Variants in FRG1 observed in about 807,000 individuals in gnomAD.
FRG1 encodes protein FRG1.
A neutral mutation model predicts 37.0 loss-of-function variants in FRG1; 19 were observed. That is an observed-to-expected ratio of 0.51 (90% confidence interval 0.36 to 0.75). The LOEUF is 0.75. Ranked by LOEUF, FRG1 falls within the 30% of genes least tolerant of loss-of-function variation. The probability of loss-of-function intolerance (pLI) is 0.00; values close to 1 mark genes in which losing one functional copy is unlikely to be tolerated. For synonymous variants in FRG1, 73 were observed against 96.5 expected (o/e 0.76, Z 1.43); for missense variants, 243 against 301.4 (o/e 0.81, Z 1.44).
At chr4:189,943,796 A>G (rs1465085517) in intron 2 of FRG1, among the ~76,000 whole-genome samples, 1 of 152,072 alleles carries the variant, frequency 6.6e-6, no homozygotes, top group Non-Finnish European at 1.5e-5. Flanking sequence ...TTTTCCATAC[A>G]TATTTTTTTC....
chr4:189,958,374 T>G (rs1249084561), intron 6 of FRG1, among the ~76,000 whole-genome samples: 2 of 152,334 alleles, frequency 1.3e-5, no homozygotes, highest in East Asian at 1.9e-4. Flanking sequence ...TGCTTGAGCT[T>G]CTGTGATGAT....
chr4:189,955,632 A>T (rs1211169926), intron 5 of FRG1, among the ~76,000 whole-genome samples: 1 of 152,236 alleles, frequency 6.6e-6, no homozygotes, highest in East Asian at 1.9e-4. Context: ...ATACGAAAAG[A>T]TAGTTTTAAT....
intron 2 of FRG1, among the ~76,000 whole-genome samples, chr4:189,943,628 G>A (rs372843083): frequency 6.6e-6 from 1 of 152,002 alleles, no homozygotes; most frequent in Non-Finnish European, 1.5e-5. Flanking sequence ...TGTAGAAGTC[G>A]GTTGTCTCTT....
At chr4:189,950,907 A>G (rs961431087) in intron 2 of FRG1, among the ~76,000 whole-genome samples, 2 of 152,112 alleles carry the variant, frequency 1.3e-5, no homozygotes, top group Non-Finnish European at 1.5e-5. Flanking sequence ...TTCTGTCATC[A>G]CCTGTTTTGT....
At chr4:189,943,790 C>T (rs1736415617) in intron 2 of FRG1, among the ~76,000 whole-genome samples, 1 of 152,088 alleles carries the variant, frequency 6.6e-6, no homozygotes, top group South Asian at 2.1e-4. Flanking sequence ...TAGTTCTTTT[C>T]CATACATATT....
Position 189,955,095 on chromosome 4 carries a change from G to T in FRG1, c.376G>T (p.Val126Phe), listed in dbSNP as rs749097054. 2.1e-5 allele frequency: 34 copies of T among 1,613,546 alleles called. No individual in the cohort carries two copies. The highest frequency in any genetic ancestry group is 2.8e-5 in the Non-Finnish European group (33 of 1,179,650). The change falls in exon 5 of 9, where the codon GTT (valine) becomes TTT (phenylalanine). Residue 126 changes from valine (V) to phenylalanine (F), a missense_variant. Val to Phe is a conservative substitution (Grantham distance 50). Coordinates refer to ENST00000226798, the MANE Select transcript of FRG1 (RefSeq NM_004477.3). Reference protein sequence around the residue: ...YLGINSDGLVVGRSDAIGPRE... With the variant: ...YLGINSDGLVFGRSDAIGPRE... Reference sequence around the variant, plus strand: ...TGGTATAAATTCAGATGGACTTGTTGTTGGGCGTTCAGATGCAATTGGACC... The same window carrying T: ...TGGTATAAATTCAGATGGACTTGTTTTTGGGCGTTCAGATGCAATTGGACC...
chr4:189,947,365 T>G (rs1320130974), intron 2 of FRG1, among the ~76,000 whole-genome samples: 5 of 152,244 alleles, frequency 3.3e-5, no homozygotes, highest in Non-Finnish European at 7.3e-5. Flanking sequence ...CCTTATAAAT[T>G]CAGTCTTTCA....
At chr4:189,942,996 A>G (rs546435921) in intron 1 of FRG1, among the ~76,000 whole-genome samples, 9 of 152,334 alleles carry the variant, frequency 5.9e-5, no homozygotes, top group African/African-American at 1.7e-4. Context: ...GTGTGGCTCT[A>G]CAATCTGCTT....
chr4:189,953,314 G>GA (rs112474327), intron 4 of FRG1, among the ~76,000 whole-genome samples, 189 bp downstream of exon 4: 74,753 of 151,406 alleles, frequency 0.49, 20,855 homozygotes, highest in African/African-American at 0.78. Context: ...TGCTAGGCTG[G>GA]AAAAAAAATA....
chr4:189,948,732 T>C (rs1031101336), intron 2 of FRG1, among the ~76,000 whole-genome samples: 3 of 152,288 alleles, frequency 2.0e-5, no homozygotes, highest in Non-Finnish European at 2.9e-5. Flanking sequence ...GCTTTGTTGC[T>C]CAGGCTGGAG....
At chr4:189,946,387 G>T (rs1222829546) in intron 2 of FRG1, among the ~76,000 whole-genome samples, 2 of 150,712 alleles carry the variant, frequency 1.3e-5, no homozygotes, top group Admixed American at 6.6e-5. Context: ...TGCATTCACA[G>T]CTGGCCTGGG....
At chr4:189,947,345 G>C (rs1047398485) in intron 2 of FRG1, among the ~76,000 whole-genome samples, 2 of 152,234 alleles carry the variant, frequency 1.3e-5, no homozygotes, top group African/African-American at 4.8e-5. Flanking sequence ...ATTTAGGATT[G>C]TTAAGTCTTC....
chr4:189,951,962 T>G (rs12646667), intron 2 of FRG1, among the ~76,000 whole-genome samples, 200 bp from the exon 3 acceptor site: 44,040 of 152,092 alleles, frequency 0.29, 6,499 homozygotes, highest in Middle Eastern at 0.43. Context: ...TTATATCAAT[T>G]TCAGTTTCCT....
At chr4:189,958,781 A>G in intron 6 of FRG1, among the ~76,000 whole-genome samples, 1 of 152,150 alleles carries the variant, frequency 6.6e-6, no homozygotes, top group Non-Finnish European at 1.5e-5. Flanking sequence ...TTAAGGCTTA[A>G]TTTTTTAGAC....
chr4:189,944,519 T>G (rs1736447577), intron 2 of FRG1, among the ~76,000 whole-genome samples: 1 of 152,184 alleles, frequency 6.6e-6, no homozygotes, highest in South Asian at 2.1e-4. Context: ...ACATTGTCTT[T>G]TAGAGGCATC....
chr4:189,945,805 T>G (rs1224021311), intron 2 of FRG1, among the ~76,000 whole-genome samples: 2 of 152,326 alleles, frequency 1.3e-5, no homozygotes, highest in East Asian at 3.9e-4. Flanking sequence ...CCTTTCCTAT[T>G]TTTGGAAATA....
intron 3 of FRG1, among the ~76,000 whole-genome samples, chr4:189,952,607 A>T (rs1278089851): frequency 2.0e-5 from 3 of 152,166 alleles, no homozygotes; most frequent in Admixed American, 6.5e-5. Context: ...TTTTATTCAG[A>T]CCTATTGCCA....
intron 5 of FRG1, among the ~76,000 whole-genome samples, chr4:189,956,487 A>G (rs1561074584): frequency 6.6e-6 from 1 of 152,212 alleles, no homozygotes; most frequent in African/African-American, 2.4e-5. Context: ...AGAGGGTCTT[A>G]AAACTATTGC....
rs921308212 is a variant in FRG1, at chr4:189,962,559, C to T, written c.741-534C>T. On this transcript the variant is annotated intron_variant, in intron 8 of 8. Transcript: ENST00000226798. ...CGTATGTTGCAAAGTTACTCTTACC[C>T]TTTTTTTTACATTACTTGATAAAGG... Among the ~76,000 whole-genome samples, 38 of 151,922 alleles carry T rather than the reference C, an allele frequency of 2.5e-4. 1 individual carries two copies. Among genetic ancestry groups the T allele is most frequent in the African/African-American group, 8.7e-4 (36 of 41,374 alleles).
Sources: gnomAD v4.1 joint callset for allele counts (sites outside exome capture counted in the v4.1 genomes callset) on GRCh38, gnomAD v4.1.1 for gene constraint, MANE v1.5 for transcripts, NCBI Gene and HGNC (gene_info 2026-07-23, HGNC 2026-07-21) for gene names.